Variants in CHD1L observed in about 807,000 individuals in gnomAD.
The protein encoded by CHD1L is chromodomain helicase DNA binding protein 1 like.
CHD1L carries 118 observed loss-of-function variants against 115.9 expected under a neutral mutation model. That is an observed-to-expected ratio of 1.02 (90% CI 0.88 to 1.19). The LOEUF (loss-of-function observed/expected upper bound fraction) is 1.19, where lower values mean the gene tolerates loss of function less well. CHD1L is among the 50% of genes most tolerant of loss of function. The probability of loss-of-function intolerance (pLI) is 0.00; values close to 1 mark genes in which losing one functional copy is unlikely to be tolerated. For synonymous variants in CHD1L, 411 were observed against 387.1 expected (o/e 1.06, Z -0.72); for missense variants, 1,179 against 1,065.3 (o/e 1.11, Z -1.49).
chr1:147,249,515 C>T (rs1254922698), intron 1 of CHD1L, among the ~76,000 whole-genome samples: 20 of 141,864 alleles, frequency 1.4e-4, no homozygotes, highest in African/African-American at 5.2e-4. Flanking sequence ...AAGCAATTTT[C>T]GTGCCTCAGC....
intron 10 of CHD1L, among the ~76,000 whole-genome samples, chr1:147,269,621 A>AT (rs1443203287): frequency 7.0e-6 from 1 of 142,682 alleles, no homozygotes; most frequent in Non-Finnish European, 1.5e-5. Flanking sequence ...GTGAGCCAAG[A>AT]TCATGCCACT....
At chr1:147,292,238 C>T (rs782524102) in intron 20 of CHD1L, among the ~76,000 whole-genome samples, 9 of 152,202 alleles carry the variant, frequency 5.9e-5, no homozygotes, top group Non-Finnish European at 1.3e-4. Context: ...CTGACGGTTT[C>T]ATTTCTTACT....
chr1:147,235,544 T>A, the CHD1L span, among the ~76,000 whole-genome samples: 1 of 152,086 alleles, frequency 6.6e-6, no homozygotes, highest in Admixed American at 6.6e-5. Flanking sequence ...GGGATAGAGG[T>A]GGGGAACCCC....
At chr1:147,291,461 C>T (rs1379630211) in intron 19 of CHD1L, 21 bp from the exon 20 acceptor site, 6 of 1,597,276 alleles carry the variant, frequency 3.8e-6, no homozygotes, top group African/African-American at 2.7e-5. Context: ...CTTTATGTTG[C>T]TCCTTTCTGT....
Position 147,265,972 on chromosome 1 carries a change from G to A in CHD1L, c.780G>A (p.Arg260=). 6.2e-7 allele frequency: 1 copy of A among 1,613,648 alleles called. No homozygotes were observed. Among genetic ancestry groups the A allele is most frequent in the Non-Finnish European group, 8.5e-7 (1 of 1,179,804 alleles). Residue 260 remains arginine, a synonymous_variant, in exon 8 of 23, where the codon AGG becomes AGA. Coordinates refer to ENST00000369258, the MANE Select transcript of CHD1L (RefSeq NM_004284.6). ...AACTCTTGCAGCCATTTCTGCTGAG[G>A]CGAGTGAAAGCTGAGGTAGCTACAG... ...LHKLLQPFLL[R]RVKAEVATEL...
intron 13 of CHD1L, 22 bp from the exon 14 acceptor site, chr1:147,276,082 C>A (rs781998439): frequency 6.2e-7 from 1 of 1,613,170 alleles, no homozygotes; most frequent in African/African-American, 1.3e-5. Flanking sequence ...TAGCACACTA[C>A]CCTTGTTTGA....
chr1:147,231,313 G>A, the CHD1L span, among the ~76,000 whole-genome samples: 4 of 152,122 alleles, frequency 2.6e-5, no homozygotes, highest in African/African-American at 7.2e-5. Context: ...GTAGTGGAGC[G>A]GTTTTGAGTG....
At chr1:147,192,840 C>A in the CHD1L span, among the ~76,000 whole-genome samples, 1 of 152,106 alleles carries the variant, frequency 6.6e-6, no homozygotes, top group South Asian at 2.1e-4. Context: ...GTTGAACCAG[C>A]CTTGCATCCC....
At chr1:147,181,944 C>T in the CHD1L span, among the ~76,000 whole-genome samples, 129 of 152,232 alleles carry the variant, frequency 8.5e-4, no homozygotes, top group African/African-American at 3.0e-3. Context: ...GAGTGGGATG[C>T]TTGAAATTGA....
chr1:147,279,323 G>C (rs1679881094), intron 14 of CHD1L, among the ~76,000 whole-genome samples: 1 of 152,182 alleles, frequency 6.6e-6, no homozygotes. Context: ...GTTGGAAGTA[G>C]CAAGTGAAAG....
rs6538 is a variant in CHD1L at position 147,295,672 on chromosome 1, G to A, written c.*163G>A. 155,093 of 593,992 alleles carry A rather than the reference G, an allele frequency of 0.26. 21,389 individuals are homozygous for A. Among genetic ancestry groups the A allele is most frequent in the Non-Finnish European group, 0.29 (101,778 of 348,490 alleles). The allele number at this position is 593,992 out of a possible 1,614,324, so 36.8% of individuals were successfully genotyped here. ...CTCCTGGATGTTTTGCTCTGTTTTG[G>A]TACCTGTAATATAGGGAAACACAAC... is the stretch of plus-strand genomic sequence containing the variant. On this transcript the variant is annotated 3_prime_UTR_variant, in exon 23 of 23. Coordinates refer to ENST00000369258, the MANE Select transcript of CHD1L (RefSeq NM_004284.6).
At chr1:147,192,877 A>G in the CHD1L span, among the ~76,000 whole-genome samples, 1,681 of 152,210 alleles carry the variant, frequency 0.011, 40 homozygotes, top group African/African-American at 0.039. Context: ...TGATCATGGC[A>G]GATAAGCTTT....
the CHD1L span, chr1:147,204,106 C>A: frequency 9.5e-7 from 1 of 1,055,694 alleles, no homozygotes; most frequent in Middle Eastern, 2.0e-4. Context: ...CTTATGCATC[C>A]ATGAGATTTT....
At chr1:147,270,795 C>A in intron 10 of CHD1L, 137 bp from the exon 11 acceptor site, 1 of 687,214 alleles carries the variant, frequency 1.5e-6, no homozygotes, top group Non-Finnish European at 2.5e-6. Context: ...CTGAGGCAGT[C>A]TATAAATCAT....
the CHD1L span, among the ~76,000 whole-genome samples, chr1:147,233,684 C>G: frequency 6.6e-6 from 1 of 152,116 alleles, no homozygotes; most frequent in African/African-American, 2.4e-5. Context: ...ATTGAGAAAT[C>G]GGATGGTTGC....
the CHD1L span, among the ~76,000 whole-genome samples, chr1:147,237,234 C>A: frequency 6.6e-6 from 1 of 152,186 alleles, no homozygotes; most frequent in Non-Finnish European, 1.5e-5. Context: ...TGGGAGGAGA[C>A]ACTTCTTAGC....
the CHD1L span, among the ~76,000 whole-genome samples, chr1:147,207,566 G>A: frequency 6.6e-6 from 1 of 152,008 alleles, no homozygotes; most frequent in Non-Finnish European, 1.5e-5. Context: ...TATTTTTTGA[G>A]TCTGCCATTT....
chr1:147,264,202 A>G lies in CHD1L; in HGVS notation c.577-220A>G, dbSNP rs116046438. Among the ~76,000 whole-genome samples the G allele has an allele frequency of 3.0e-3, 453 of 152,316 alleles. 4 individuals are homozygous for G. Among genetic ancestry groups the G allele is most frequent in the African/African-American group, 0.01 (432 of 41,566 alleles). ...ATCCTTATATAAGTGTTTTCTTCACAGGATTATTGTCCCCTTCTTATAGTT... is the reference window on the plus strand; with the variant it reads ...ATCCTTATATAAGTGTTTTCTTCACGGGATTATTGTCCCCTTCTTATAGTT... On this transcript the variant is annotated intron_variant, in intron 6 of 22. Transcript: ENST00000369258.
chr1:147,233,210 A>C, the CHD1L span, among the ~76,000 whole-genome samples: 1 of 137,574 alleles, frequency 7.3e-6, no homozygotes, highest in African/African-American at 2.8e-5. Flanking sequence ...AAGTGAGGAG[A>C]CCCTCCGCCT....
Sources: allele counts gnomAD v4.1 joint callset (sites outside exome capture counted in the v4.1 genomes callset), GRCh38; gene constraint gnomAD v4.1.1; transcripts MANE v1.5; gene names NCBI Gene and HGNC (gene_info 2026-07-23, HGNC 2026-07-21).